The following ADAMTS17 variants were observed in gnomAD, a reference collection of about 807,000 sequenced individuals.
ADAMTS17 encodes the protein A disintegrin and metalloproteinase with thrombospondin motifs 17.
Under a neutral mutation model 141.5 loss-of-function variants are expected in ADAMTS17, and 113 were observed. That is an observed-to-expected ratio of 0.80 (90% CI 0.69 to 0.93). The LOEUF (loss-of-function observed/expected upper bound fraction) is 0.93. ADAMTS17 is among the 40% of genes least tolerant of loss of function. ADAMTS17 has a pLI of 0.00. For synonymous variants in ADAMTS17, 768 were observed against 630.6 expected (o/e 1.22, Z -3.27); for missense variants, 1,659 against 1,517.9 (o/e 1.09, Z -1.54).
chr15:100,092,375 A>G (rs1037461174), intron 15 of ADAMTS17, among the ~76,000 whole-genome samples: 1 of 152,254 alleles, frequency 6.6e-6, no homozygotes, highest in Non-Finnish European at 1.5e-5. Flanking sequence ...GAGCCAGGCA[A>G]GAGCCACACC....
chr15:100,170,885 G>A (rs977803617), intron 8 of ADAMTS17, among the ~76,000 whole-genome samples: 1 of 152,154 alleles, frequency 6.6e-6, no homozygotes, highest in Admixed American at 6.5e-5. Context: ...GCAGGAGAAG[G>A]CCTGGCTGGT....
intron 4 of ADAMTS17, among the ~76,000 whole-genome samples, chr15:100,276,973 A>G (rs535298952): frequency 9.9e-5 from 15 of 152,246 alleles, no homozygotes; most frequent in Non-Finnish European, 1.5e-4. Flanking sequence ...CAATTTACTT[A>G]ATGGTGGTCC....
Position 100,254,121 on chromosome 15 carries a change from C to T in ADAMTS17, c.1075+15G>A. 1 of 1,611,312 alleles carries T rather than the reference C, an allele frequency of 6.2e-7. No homozygotes were observed. Among genetic ancestry groups the T allele is most frequent in the African/African-American group, 1.3e-5 (1 of 74,960 alleles). ...GTATCAGCCCCTTAGATTATTATTT[C>T]AACTCTAAACTTACCAACAGTGTCA... On this transcript the variant is annotated intron_variant, in intron 7 of 21. Coordinates refer to ENST00000268070, the MANE Select transcript of ADAMTS17 (RefSeq NM_139057.4).
chr15:100,128,993 A>T (rs1234600607), intron 12 of ADAMTS17: 1 of 152,260 alleles, frequency 6.6e-6, no homozygotes, highest in Non-Finnish European at 1.5e-5. Context: ...AGTTCCCTTC[A>T]AAGAGGCACC....
rs79382227 is a variant in ADAMTS17 at position 100,298,066 on chromosome 15, G to C, written c.617-16665C>G. 5.2e-3 allele frequency among the ~76,000 whole-genome samples: 788 copies of C among 152,202 alleles called. 15 individuals are homozygous for C. The East Asian group carries it at 0.066, about 13-fold the overall frequency. On this transcript the variant is annotated intron_variant, in intron 3 of 21. Transcript: ENST00000268070. ...GGGGGGTCTCAGTGAGAGTGCTCGT[G>C]GGGACAGATGCAGGCGAAAACCAGA... is the stretch of plus-strand genomic sequence containing the variant.
intron 8 of ADAMTS17, among the ~76,000 whole-genome samples, chr15:100,193,669 G>A (rs957540383): frequency 4.0e-5 from 6 of 151,392 alleles, no homozygotes; most frequent in Admixed American, 2.0e-4. Flanking sequence ...ATTTCTAAAC[G>A]CCCAGTGCTC....
intron 7 of ADAMTS17, among the ~76,000 whole-genome samples, chr15:100,229,745 A>C (rs950281510): frequency 2.6e-5 from 4 of 152,232 alleles, no homozygotes; most frequent in Non-Finnish European, 5.9e-5. Context: ...AACTAACTGC[A>C]AAGTTCCCTC....
intron 15 of ADAMTS17, among the ~76,000 whole-genome samples, chr15:100,089,742 A>G (rs1226797564): frequency 6.6e-6 from 1 of 151,480 alleles, no homozygotes; most frequent in Non-Finnish European, 1.5e-5. Context: ...ACAAAAAACC[A>G]AACACCGCAT....
intron 8 of ADAMTS17, among the ~76,000 whole-genome samples, chr15:100,186,771 C>T (rs555868090): frequency 6.6e-6 from 1 of 152,340 alleles, no homozygotes; most frequent in African/African-American, 2.4e-5. Context: ...AATTTTCCAT[C>T]CCCTATCTCT....
At chr15:100,238,033 G>T (rs1478812988) in intron 7 of ADAMTS17, among the ~76,000 whole-genome samples, 1 of 152,166 alleles carries the variant, frequency 6.6e-6, no homozygotes, top group Non-Finnish European at 1.5e-5. Flanking sequence ...AGACGGAGTG[G>T]GCCCAAGGGT....
At chr15:99,978,192 G>A (rs2060406070) in intron 20 of ADAMTS17, among the ~76,000 whole-genome samples, 1 of 152,320 alleles carries the variant, frequency 6.6e-6, no homozygotes, top group South Asian at 2.1e-4. Flanking sequence ...TGCGTGGGAG[G>A]CGGTGGTGTC....
intron 12 of ADAMTS17, among the ~76,000 whole-genome samples, chr15:100,125,699 C>A (rs540427455): frequency 1.4e-4 from 22 of 152,304 alleles, no homozygotes; most frequent in African/African-American, 5.3e-4. Context: ...GTAACTCCCA[C>A]CAACAGCAAC....
At chr15:100,099,335 T>C (rs1458300247) in intron 14 of ADAMTS17, among the ~76,000 whole-genome samples, 1 of 152,172 alleles carries the variant, frequency 6.6e-6, no homozygotes, top group Non-Finnish European at 1.5e-5. Flanking sequence ...AACGGGGGCA[T>C]TTTCTTCCAT....
intron 14 of ADAMTS17, among the ~76,000 whole-genome samples, chr15:100,098,413 C>T (rs1432921451): frequency 6.6e-6 from 1 of 152,056 alleles, no homozygotes; most frequent in African/African-American, 2.4e-5. Flanking sequence ...CTTTGGGAGG[C>T]TGAGGTGGGT....
intron 20 of ADAMTS17, among the ~76,000 whole-genome samples, chr15:99,987,297 C>T (rs878878691): frequency 9.9e-5 from 15 of 152,280 alleles, no homozygotes; most frequent in Non-Finnish European, 1.8e-4. Context: ...ACACAGTGAG[C>T]GGAACACCTG....
At chr15:100,060,591 C>T (rs1014159066) in intron 15 of ADAMTS17, among the ~76,000 whole-genome samples, 1 of 152,296 alleles carries the variant, frequency 6.6e-6, no homozygotes, top group African/African-American at 2.4e-5. Context: ...CACAGAAGCC[C>T]GAGTGGGGTT....
At chr15:100,008,119 G>A (rs922108696) in intron 18 of ADAMTS17, among the ~76,000 whole-genome samples, 1 of 152,080 alleles carries the variant, frequency 6.6e-6, no homozygotes, top group African/African-American at 2.4e-5. Context: ...TGAAGGAGAG[G>A]GTGGTCCCAA....
intron 7 of ADAMTS17, among the ~76,000 whole-genome samples, chr15:100,213,636 A>C (rs117179586): frequency 0.023 from 3,466 of 152,358 alleles, 71 homozygotes; most frequent in South Asian, 0.044. Flanking sequence ...AATCATTTTA[A>C]AATGGGATCC....
chr15:100,340,152 C>T (rs1303943857), intron 2 of ADAMTS17, among the ~76,000 whole-genome samples: 1 of 152,198 alleles, frequency 6.6e-6, no homozygotes, highest in African/African-American at 2.4e-5. Context: ...GCCCATCTGC[C>T]GGCCATGTGT....
Sources: allele counts gnomAD v4.1 joint callset (sites outside exome capture counted in the v4.1 genomes callset), GRCh38; gene constraint gnomAD v4.1.1; transcripts MANE v1.5; gene names NCBI Gene and HGNC (gene_info 2026-07-23, HGNC 2026-07-21).